The following NUDT4 variants were observed in gnomAD, a reference collection of about 807,000 sequenced individuals.
NUDT4 encodes the protein diphosphoinositol polyphosphate phosphohydrolase 2.
NUDT4 carries 5 observed loss-of-function variants against 23.1 expected under a neutral mutation model. That is an observed-to-expected ratio of 0.22 (90% confidence interval 0.11 to 0.46). NUDT4 has a LOEUF of 0.46. Ranked by LOEUF, NUDT4 falls within the 20% of genes least tolerant of loss-of-function variation. The probability of loss-of-function intolerance (pLI) is 0.99; values close to 1 mark genes in which losing one functional copy is unlikely to be tolerated. For synonymous variants in NUDT4, 50 were observed against 79.0 expected (o/e 0.63, Z 1.95); for missense variants, 96 against 211.6 (o/e 0.45, Z 3.39).
In NUDT4 at chr12:93,394,651, G is replaced by C; in HGVS notation, c.142G>C (p.Val48Leu). Residue 48 changes from valine to leucine, a missense_variant, in exon 2 of 5, where the codon GTC becomes CTC. Coordinates refer to ENST00000415493, the MANE Select transcript of NUDT4 (RefSeq NM_019094.6). ...CAGCCGGTACCCAGACCAGTGGATT[G>C]TCCCAGGAGGAGGAATGGAACCCGA... Reference protein sequence around the residue: ...SSSRYPDQWIVPGGGMEPEEE... With the variant: ...SSSRYPDQWILPGGGMEPEEE... 2.6e-6 allele frequency: 4 copies of C among 1,555,506 alleles called. No individual in the cohort carries two copies. The highest frequency in any genetic ancestry group is 3.5e-6 in the Non-Finnish European group (4 of 1,149,130).
intron 1 of NUDT4, among the ~76,000 whole-genome samples, chr12:93,381,521 G>A (rs951810487): frequency 6.6e-6 from 1 of 152,216 alleles, no homozygotes; most frequent in African/African-American, 2.4e-5. Flanking sequence ...TCATTCTGTA[G>A]GGAAAGGTTG....
intron 1 of NUDT4, among the ~76,000 whole-genome samples, chr12:93,385,549 A>G (rs1200151028): frequency 1.3e-5 from 2 of 152,174 alleles, no homozygotes; most frequent in African/African-American, 2.4e-5. Context: ...GGCTCTGTCA[A>G]CTGTTGGTGT....
At chr12:93,385,860 A>C (rs998882084) in intron 1 of NUDT4, among the ~76,000 whole-genome samples, 6 of 149,666 alleles carry the variant, frequency 4.0e-5, no homozygotes, top group Admixed American at 6.7e-5. Context: ...CCAAAAAAAA[A>C]CCTTACAATA....
At chr12:93,398,145 T>C (rs1384938862) in intron 3 of NUDT4, among the ~76,000 whole-genome samples, 1 of 151,622 alleles carries the variant, frequency 6.6e-6, no homozygotes, top group Non-Finnish European at 1.5e-5. Context: ...TTTAAGACCA[T>C]CCTGACCAAC....
chr12:93,388,481 C>T (rs912680925), intron 1 of NUDT4, among the ~76,000 whole-genome samples: 11 of 152,320 alleles, frequency 7.2e-5, no homozygotes, highest in Admixed American at 7.2e-4. Context: ...AAATCAGCAA[C>T]TTCTTTCTCC....
At position 93,399,541 on chromosome 12, in the gene NUDT4, T is replaced by TA. The variant is rs1337321775; in HGVS notation, c.*169dup. On this transcript the variant is annotated 3_prime_UTR_variant, in exon 5 of 5. Transcript: ENST00000415493. ...TTTCAGATGCTTTCAAATCTTTTTT[T>TA]AAAAAAATAGTGTAAAATATTTTAA... 2.3e-4 allele frequency: 91 copies of TA among 387,278 alleles called. No homozygotes were observed. Among genetic ancestry groups the TA allele is most frequent in the African/African-American group, 3.6e-4 (16 of 44,730 alleles). The allele number at this position is 387,278 out of a possible 1,614,324, so 24.0% of individuals were successfully genotyped here. A position where few individuals can be genotyped will look rare whatever the true frequency, so the allele number is the denominator to read the frequency against.
chr12:93,380,593 C>T (rs1875590966), intron 1 of NUDT4, among the ~76,000 whole-genome samples: 1 of 152,144 alleles, frequency 6.6e-6, no homozygotes, highest in African/African-American at 2.4e-5. Context: ...TGAGGGAAGA[C>T]TCTAGAATTC....
chr12:93,391,916 C>T (rs1272286939), intron 1 of NUDT4, among the ~76,000 whole-genome samples: 1 of 152,124 alleles, frequency 6.6e-6, no homozygotes, highest in Non-Finnish European at 1.5e-5. Context: ...CAGAGTCTCA[C>T]TCCATTGCCC....
At chr12:93,378,689 G>A (rs1301458790) in intron 1 of NUDT4, 4 of 1,162,196 alleles carry the variant, frequency 3.4e-6, no homozygotes, top group Non-Finnish European at 3.2e-6. Context: ...AAGGTCCCGG[G>A]CCGCGTAAGT....
intron 1 of NUDT4, among the ~76,000 whole-genome samples, chr12:93,379,779 A>G (rs1182882180): frequency 6.6e-6 from 1 of 152,236 alleles, no homozygotes; most frequent in Admixed American, 6.5e-5. Context: ...GTCAACAAGC[A>G]TTAAGTGTGT....
intron 1 of NUDT4, chr12:93,378,868 C>T: frequency 1.2e-6 from 1 of 818,340 alleles, no homozygotes; most frequent in Non-Finnish European, 1.5e-6. Flanking sequence ...GTCTCGGATT[C>T]GATCTAAGCA....
At chr12:93,390,635 C>G (rs1876429648) in intron 1 of NUDT4, among the ~76,000 whole-genome samples, 1 of 152,072 alleles carries the variant, frequency 6.6e-6, no homozygotes, top group Admixed American at 6.6e-5. Flanking sequence ...GAGACAGTCT[C>G]ATTCTGTCGC....
At chr12:93,385,423 G>A (rs564989616) in intron 1 of NUDT4, among the ~76,000 whole-genome samples, 1 of 152,322 alleles carries the variant, frequency 6.6e-6, no homozygotes, top group South Asian at 2.1e-4. Context: ...CTGGAAGGTT[G>A]AATGCATCTT....
At chr12:93,380,120 C>G (rs1474881316) in intron 1 of NUDT4, among the ~76,000 whole-genome samples, 1 of 152,152 alleles carries the variant, frequency 6.6e-6, no homozygotes, top group African/African-American at 2.4e-5. Context: ...GGGTCCAGTC[C>G]TTACTCCTGA....
intron 3 of NUDT4, 52 bp downstream of exon 3, chr12:93,395,585 TC>T (rs1876875480): frequency 7.2e-7 from 1 of 1,389,356 alleles, no homozygotes; most frequent in African/African-American, 1.4e-5. Context: ...AATGATTTCT[TC>T]CTAACCAACC....
rs180993658 is a variant in NUDT4, at chr12:93,396,518, A to C, written c.255+985A>C. 2.6e-5 allele frequency among the ~76,000 whole-genome samples: 4 copies of C among 152,304 alleles called. No homozygotes were observed. In the East Asian group the frequency reaches 7.7e-4, roughly 29 times the overall value. On this transcript the variant is annotated intron_variant, in intron 3 of 4. Transcript: ENST00000415493. ...TAGGTTAGTACAGCCTTTATAGTAG[A>C]ACCATATAAATTTTATTTTTAAGCC...
chr12:93,385,080 C>G (rs1002655220), intron 1 of NUDT4: 2 of 152,160 alleles, frequency 1.3e-5, no homozygotes, highest in African/African-American at 4.8e-5. Flanking sequence ...ATACACTATT[C>G]TTAAAGTGAT....
intron 3 of NUDT4, among the ~76,000 whole-genome samples, chr12:93,398,209 G>A (rs1339483221): frequency 3.3e-5 from 5 of 151,550 alleles, no homozygotes; most frequent in Non-Finnish European, 5.9e-5. Flanking sequence ...GCGTGGTGGC[G>A]TGCACCTGTA....
rs1877643558 is a variant in NUDT4 at position 93,403,892 on chromosome 12, TAGCA to T, written c.*4515_*4518del. 6.6e-6 allele frequency: 1 copy of T among 152,228 alleles called. No homozygotes were observed. Among genetic ancestry groups the T allele is most frequent in the Non-Finnish European group, 1.5e-5 (1 of 68,038 alleles). 9.4% of individuals were successfully genotyped at this position (152,228 alleles called of 1,614,324 possible). A position where few individuals can be genotyped will look rare whatever the true frequency, so the allele number is the denominator to read the frequency against. On this transcript the variant is annotated 3_prime_UTR_variant, in exon 5 of 5. Coordinates refer to ENST00000415493, the MANE Select transcript of NUDT4 (RefSeq NM_019094.6). ...GCCTATCTTAGCAAGCAAGACATTA[TAGCA>T]AAGACCTAAACACTCAAAGGTTCAA...
Sources: allele counts gnomAD v4.1 joint callset (sites outside exome capture counted in the v4.1 genomes callset), GRCh38; gene constraint gnomAD v4.1.1; transcripts MANE v1.5; gene names NCBI Gene and HGNC (gene_info 2026-07-23, HGNC 2026-07-21).